The following HIP1 variants were observed in gnomAD, a reference collection of about 807,000 sequenced individuals.
HIP1 encodes huntingtin interacting protein 1.
In HIP1, 65 loss-of-function variants were observed where a neutral mutation model predicts 147.6. The observed-to-expected ratio is 0.44, with a 90% CI of 0.36 to 0.54. The LOEUF (loss-of-function observed/expected upper bound fraction) is 0.54. HIP1 is among the 20% of genes least tolerant of loss of function. The probability of loss-of-function intolerance (pLI) is 0.00; values close to 1 mark genes in which losing one functional copy is unlikely to be tolerated. For missense variants in HIP1, 1,061 were observed against 1,299.6 expected (o/e 0.82, Z 2.82); for synonymous variants, 479 against 504.0 (o/e 0.95, Z 0.67).
chr7:75,679,483 C>T (rs1034962488), intron 1 of HIP1, among the ~76,000 whole-genome samples: 3 of 152,150 alleles, frequency 2.0e-5, no homozygotes, highest in Non-Finnish European at 4.4e-5. Flanking sequence ...GGATTACTGG[C>T]GTGAGCAACT....
intron 1 of HIP1, among the ~76,000 whole-genome samples, chr7:75,646,608 C>T (rs1028585885): frequency 6.6e-6 from 1 of 152,212 alleles, no homozygotes; most frequent in Admixed American, 6.5e-5. Flanking sequence ...ACCGGTCATC[C>T]GCCTGCCTGT....
chr7:75,726,386 C>T (rs1554522345), intron 1 of HIP1, among the ~76,000 whole-genome samples: 1 of 151,752 alleles, frequency 6.6e-6, no homozygotes, highest in Non-Finnish European at 1.5e-5. Context: ...CGGGTTCAAG[C>T]GATTCTCCTG....
intron 1 of HIP1, among the ~76,000 whole-genome samples, chr7:75,609,441 C>T (rs1186948120): frequency 1.3e-5 from 2 of 152,186 alleles, no homozygotes; most frequent in Non-Finnish European, 2.9e-5. Context: ...CTCACTAACA[C>T]TGTGTACCTG....
At chr7:75,693,919 C>CTTTTTTTTTTTTTT (rs10628011) in intron 1 of HIP1, among the ~76,000 whole-genome samples, 2 of 114,876 alleles carry the variant, frequency 1.7e-5, no homozygotes, top group Non-Finnish European at 3.4e-5. Flanking sequence ...ATTCTCTTTT[C>CTTTTTTTTTTTTTT]TTTTTTTTTT....
At chr7:75,679,737 GCC>G (rs1800005337) in intron 1 of HIP1, among the ~76,000 whole-genome samples, 1 of 151,972 alleles carries the variant, frequency 6.6e-6, no homozygotes, top group Non-Finnish European at 1.5e-5. Flanking sequence ...GGTAGACCCA[GCC>G]CCACTTCGTC....
intron 1 of HIP1, among the ~76,000 whole-genome samples, chr7:75,633,715 G>A (rs587620316): frequency 1.3e-5 from 2 of 152,188 alleles, no homozygotes; most frequent in African/African-American, 4.8e-5. Context: ...TTTGCACAGC[G>A]ATCTCTCCAG....
intron 1 of HIP1, among the ~76,000 whole-genome samples, chr7:75,706,180 C>T (rs1207066278): frequency 2.0e-5 from 3 of 152,166 alleles, no homozygotes; most frequent in Non-Finnish European, 4.4e-5. Context: ...CAGGAGTAAG[C>T]CACCATGCCC....
At chr7:75,666,242 C>T (rs1799557059) in intron 1 of HIP1, among the ~76,000 whole-genome samples, 1 of 151,680 alleles carries the variant, frequency 6.6e-6, no homozygotes, top group South Asian at 2.1e-4. Context: ...GATCTCGGCT[C>T]ATTGCAACCT....
intron 13 of HIP1, among the ~76,000 whole-genome samples, chr7:75,560,395 T>G (rs1252191878): frequency 6.6e-6 from 1 of 152,112 alleles, no homozygotes; most frequent in African/African-American, 2.4e-5. Flanking sequence ...ATTACAGGTA[T>G]GCACCACCAT....
chr7:75,733,430 C>CTTTTTT (rs56744076), intron 1 of HIP1: 6 of 132,542 alleles, frequency 4.5e-5, no homozygotes, highest in African/African-American at 1.7e-4. Context: ...TTTTCTTTTT[C>CTTTTTT]TTTTTTTTTT....
At chr7:75,677,182 T>C (rs1799922616) in intron 1 of HIP1, among the ~76,000 whole-genome samples, 1 of 150,946 alleles carries the variant, frequency 6.6e-6, no homozygotes, top group African/African-American at 2.4e-5. Context: ...GGGACAAGAA[T>C]GAAACTCCAT....
intron 13 of HIP1, among the ~76,000 whole-genome samples, chr7:75,560,532 G>T (rs587674538): frequency 1.3e-5 from 2 of 152,084 alleles, no homozygotes; most frequent in East Asian, 3.9e-4. Flanking sequence ...GGTTACAGGC[G>T]TGAGCCACTG....
At chr7:75,573,130 G>A (rs1795709208) in intron 8 of HIP1, among the ~76,000 whole-genome samples, 1 of 152,214 alleles carries the variant, frequency 6.6e-6, no homozygotes, top group Admixed American at 6.5e-5. Context: ...TGGACCAATC[G>A]TGGTGCATTT....
At chr7:75,639,592 T>TGTGTGTGTGTGTGC (rs879990782) in intron 1 of HIP1, among the ~76,000 whole-genome samples, 3 of 148,722 alleles carry the variant, frequency 2.0e-5, no homozygotes, top group South Asian at 4.3e-4. Context: ...TGTGTGTGTG[T>TGTGTGTGTGTGTGC]GCGCCCGCGT....
chr7:75,668,298 G>A (rs1799620946), intron 1 of HIP1, among the ~76,000 whole-genome samples: 1 of 152,138 alleles, frequency 6.6e-6, no homozygotes, highest in African/African-American at 2.4e-5. Context: ...TAGGATTCCT[G>A]CACTCAGGAC....
intron 5 of HIP1, 123 bp downstream of exon 5, chr7:75,586,630 A>G (rs1584838342): frequency 1.4e-6 from 1 of 691,562 alleles, no homozygotes; most frequent in East Asian, 2.7e-5. Flanking sequence ...CATGATGTGC[A>G]CACTTCCTCA....
chr7:75,586,816 C>T lies in HIP1; in HGVS notation c.402G>A (p.Gly134=). Residue 134 remains glycine (G), a synonymous_variant, in exon 5 of 31, where the codon GGG becomes GGA. Transcript: ENST00000336926. ...GGTAGATGCTGCACAGCTGGCCATA[C>T]CCCTCGCTCAGGTGGCCCTTTTAGG... ...MSRMWGHLSE[G]YGQLCSIYLK... is the part of the protein sequence containing the mutation. 6.2e-7 allele frequency: 1 copy of T among 1,612,760 alleles called. No homozygotes were observed. Among genetic ancestry groups the T allele is most frequent in the South Asian group, 1.1e-5 (1 of 90,984 alleles).
chr7:75,684,167 C>T lies in HIP1; in HGVS notation c.120+54634G>A, dbSNP rs181489374. 8.4e-4 allele frequency among the ~76,000 whole-genome samples: 128 copies of T among 152,098 alleles called. 1 individual carries two copies. Among genetic ancestry groups the T allele is most frequent in the Non-Finnish European group, 1.7e-3 (113 of 68,004 alleles). ...TTAAACAAAAAACCACACAAAAAGG[C>T]TGGGCACGATGACTCACACCTGTAA... On this transcript the variant is annotated intron_variant, in intron 1 of 30. Transcript: ENST00000336926.
chr7:75,615,244 G>A (rs1485636819), intron 1 of HIP1, among the ~76,000 whole-genome samples: 4 of 151,710 alleles, frequency 2.6e-5, no homozygotes, highest in Non-Finnish European at 4.4e-5. Flanking sequence ...CTGTGAGAGA[G>A]CACACAGATG....
Sources: allele counts gnomAD v4.1 joint callset (sites outside exome capture counted in the v4.1 genomes callset), GRCh38; gene constraint gnomAD v4.1.1; transcripts MANE v1.5; gene names NCBI Gene and HGNC (gene_info 2026-07-23, HGNC 2026-07-21).